Variants in RIOX2 observed in about 807,000 individuals in gnomAD.
RIOX2 encodes the protein 60S ribosomal protein L27a histidine hydroxylase.
In RIOX2, 43 loss-of-function variants were observed where a neutral mutation model predicts 51.2. That is an observed-to-expected ratio of 0.84 (90% CI 0.66 to 1.08). The LOEUF is 1.08. Ranked by LOEUF, RIOX2 falls within the 50% of genes least tolerant of loss-of-function variation. The pLI is 0.00. For missense variants in RIOX2, 566 were observed against 561.7 expected, an observed-to-expected ratio of 1.01 and a Z score of -0.08; for synonymous variants, 226 against 218.5, an observed-to-expected ratio of 1.03 and a Z score of -0.30.
intron 8 of RIOX2, among the ~76,000 whole-genome samples, chr3:97,946,319 A>G (rs2040355270): frequency 6.6e-6 from 1 of 152,046 alleles, no homozygotes; most frequent in Non-Finnish European, 1.5e-5. Context: ...TCATGAAGTC[A>G]TTAACTCCTG....
At chr3:97,959,282 A>C in intron 3 of RIOX2, 103 bp from the exon 4 acceptor site, 3 of 769,948 alleles carry the variant, frequency 3.9e-6, no homozygotes, top group Non-Finnish European at 1.9e-6. Context: ...AGACAAATAT[A>C]TAGGTGAACC....
chr3:97,944,222 C>CTAAA lies in RIOX2; in HGVS notation c.*958_*961dup, dbSNP rs2040298954. On this transcript the variant is annotated 3_prime_UTR_variant, in exon 10 of 10. Transcript: ENST00000394198. ...AGTAAACGTGGAGTTGATTTCTCTA[C>CTAAA]TAAATAACAGAAACCTCAGTTTTTC... 1 of 151,468 alleles carries CTAAA rather than the reference C, an allele frequency of 6.6e-6. No individual in the cohort carries two copies. Among genetic ancestry groups the CTAAA allele is most frequent in the African/African-American group, 2.4e-5 (1 of 41,216 alleles). The allele number at this position is 151,468 out of a possible 1,614,324, so 9.4% of individuals were successfully genotyped here. A position where few individuals can be genotyped will look rare whatever the true frequency, so the allele number is the denominator to read the frequency against.
In RIOX2 at chr3:97,949,887, G is replaced by A. The variant is rs759303274; in HGVS notation, c.1017C>T (p.Leu339=). 1.4e-5 allele frequency: 23 copies of A among 1,613,744 alleles called. No individual in the cohort carries two copies. The highest frequency in any genetic ancestry group is 1.9e-5 in the Non-Finnish European group (22 of 1,179,938). ...DMKKDFIMHR[L]PPYSAGDGAE... ...CCCCATCTCCCGCAGAGTAAGGGGGGAGTCTGTGCATAATAAAATCCTTCT... is the reference window on the plus strand; with the variant it reads ...CCCCATCTCCCGCAGAGTAAGGGGGAAGTCTGTGCATAATAAAATCCTTCT... Residue 339 remains leucine, a synonymous_variant, in exon 7 of 10, where the codon CTC becomes CTT. Coordinates refer to ENST00000394198, the MANE Select transcript of RIOX2 (RefSeq NM_153182.4).
chr3:97,965,019 A>G (rs1177973079), intron 2 of RIOX2, among the ~76,000 whole-genome samples: 1 of 152,052 alleles, frequency 6.6e-6, no homozygotes, highest in African/African-American at 2.4e-5. Context: ...TCACTCTAAC[A>G]GTCTCTCAAC....
intron 2 of RIOX2, among the ~76,000 whole-genome samples, chr3:97,964,370 T>G (rs902995778): frequency 6.6e-6 from 1 of 152,160 alleles, no homozygotes. Context: ...AGGTCACATC[T>G]GTGAACTCCA....
At chr3:97,962,247 A>C (rs1257669115) in intron 2 of RIOX2, among the ~76,000 whole-genome samples, 2 of 151,970 alleles carry the variant, frequency 1.3e-5, no homozygotes, top group Admixed American at 6.6e-5. Flanking sequence ...TGACTTGGGC[A>C]ATCAGTTCCC....
intron 4 of RIOX2, among the ~76,000 whole-genome samples, chr3:97,956,557 C>T (rs148001110): frequency 0.013 from 1,905 of 151,332 alleles, 42 homozygotes; most frequent in African/African-American, 0.044. Context: ...AATGCAATGG[C>T]GTGATCTCGG....
At chr3:97,953,112 C>A (rs1705310282) in intron 5 of RIOX2, among the ~76,000 whole-genome samples, 1 of 152,126 alleles carries the variant, frequency 6.6e-6, no homozygotes, top group Non-Finnish European at 1.5e-5. Flanking sequence ...TCTGCTGACC[C>A]ACCCCTACTT....
chr3:97,942,213 T>A lies in RIOX2; in HGVS notation c.*2971A>T. The A allele has an allele frequency of 7.1e-7, 1 of 1,399,770 alleles. No individual in the cohort carries two copies. The highest frequency in any genetic ancestry group is 9.8e-7 in the Non-Finnish European group (1 of 1,021,840). 86.7% of individuals were successfully genotyped at this position (1,399,770 alleles called of 1,614,324 possible). A position where few individuals can be genotyped will look rare whatever the true frequency, so the allele number is the denominator to read the frequency against. Reference sequence around the variant, plus strand: ...ATGTCTATGACTTGTTTACCTAAGATAAAAGGGACCTAATTCAACTTACTT... The same window carrying A: ...ATGTCTATGACTTGTTTACCTAAGAAAAAAGGGACCTAATTCAACTTACTT... On this transcript the variant is annotated 3_prime_UTR_variant, in exon 10 of 10. Transcript: ENST00000394198.
intron 1 of RIOX2, chr3:97,971,593 A>G (rs1334516971): frequency 6.6e-6 from 1 of 152,156 alleles, no homozygotes; most frequent in African/African-American, 2.4e-5. Context: ...ACTATACCTC[A>G]ATGTATTTTC....
At chr3:97,952,644 G>A (rs976777915) in intron 5 of RIOX2, among the ~76,000 whole-genome samples, 2 of 152,174 alleles carry the variant, frequency 1.3e-5, no homozygotes, top group African/African-American at 2.4e-5. Context: ...AAACATTAAC[G>A]ATGGGACACC....
intron 1 of RIOX2, among the ~76,000 whole-genome samples, chr3:97,969,328 G>A (rs1313797028): frequency 6.6e-6 from 1 of 152,204 alleles, no homozygotes; most frequent in Non-Finnish European, 1.5e-5. Flanking sequence ...CTCCAGGAAA[G>A]AATTAAGGCT....
rs1705937998 is a variant in RIOX2 at position 97,967,498 on chromosome 3, A to C, written c.96T>G (p.Ala32=). The C allele has an allele frequency of 3.7e-6, 6 of 1,614,186 alleles. No homozygotes were observed. The highest frequency in any genetic ancestry group is 5.1e-6 in the Non-Finnish European group (6 of 1,180,030). Residue 32 remains alanine (A), a synonymous_variant, in exon 2 of 10, where the codon GCT becomes GCG. Coordinates refer to ENST00000394198, the MANE Select transcript of RIOX2 (RefSeq NM_153182.4). ...GACTACTGGGACTGTCAAAGTTTAAAGCTGAAGGCCCCCCAGCTGCTTCTA... is the reference window on the plus strand; with the variant it reads ...GACTACTGGGACTGTCAAAGTTTAACGCTGAAGGCCCCCCAGCTGCTTCTA... The part of the protein sequence containing the change: ...MKLEAAGGPS[A]LNFDSPSSLF...
At chr3:97,965,854 T>C (rs969927923) in intron 2 of RIOX2, among the ~76,000 whole-genome samples, 1 of 152,262 alleles carries the variant, frequency 6.6e-6, no homozygotes, top group African/African-American at 2.4e-5. Context: ...TAAAAACCAC[T>C]CTTAAAAGTG....
chr3:97,964,206 T>G (rs1421183724), intron 2 of RIOX2, among the ~76,000 whole-genome samples: 1 of 152,072 alleles, frequency 6.6e-6, no homozygotes. Flanking sequence ...CTCAACGCCA[T>G]GGCTAAAATA....
intron 1 of RIOX2, among the ~76,000 whole-genome samples, chr3:97,970,951 G>A (rs912813367): frequency 3.3e-5 from 5 of 152,196 alleles, no homozygotes; most frequent in African/African-American, 7.2e-5. Flanking sequence ...AAACAAGCAC[G>A]GTGTGGTACA....
At chr3:97,967,704 C>G in intron 1 of RIOX2, 72 bp from the exon 2 acceptor site, 1 of 1,050,230 alleles carries the variant, frequency 9.5e-7, no homozygotes, top group Non-Finnish European at 1.3e-6. Context: ...GGATCGCGCG[C>G]ACACACAACT....
chr3:97,948,184 T>C (rs189202268), intron 7 of RIOX2, among the ~76,000 whole-genome samples: 14 of 152,306 alleles, frequency 9.2e-5, no homozygotes, highest in African/African-American at 3.4e-4. Flanking sequence ...TTTGCTATTT[T>C]GAATAGATAC....
intron 4 of RIOX2, among the ~76,000 whole-genome samples, chr3:97,957,629 G>A (rs779426383): frequency 6.6e-6 from 1 of 152,032 alleles, no homozygotes. Context: ...AATGGGCATG[G>A]GCATGGCAAC....
Sources: allele counts gnomAD v4.1 joint callset (sites outside exome capture counted in the v4.1 genomes callset), GRCh38; gene constraint gnomAD v4.1.1; transcripts MANE v1.5; gene names NCBI Gene and HGNC (gene_info 2026-07-23, HGNC 2026-07-21).